TENM3: variants seen among roughly 807,000 people sequenced by gnomAD.
TENM3 encodes the protein teneurin transmembrane protein 3, also known as teneurin-3.
A neutral mutation model predicts 255.1 loss-of-function variants in TENM3; 63 were observed. The observed-to-expected ratio is 0.25, with a 90% CI of 0.20 to 0.30. The LOEUF (loss-of-function observed/expected upper bound fraction) is 0.30. Among genes scored for constraint, TENM3 ranks in the 10% least tolerant of loss-of-function variants. The pLI is 1.00. For missense variants in TENM3, 2,929 were observed against 3,461.1 expected, an observed-to-expected ratio of 0.85 and a Z score of 3.86; for synonymous variants, 1,306 against 1,322.3, an observed-to-expected ratio of 0.99 and a Z score of 0.27.
the TENM3 span, among the ~76,000 whole-genome samples, chr4:181,679,764 T>C: frequency 6.6e-6 from 1 of 152,178 alleles, no homozygotes; most frequent in Non-Finnish European, 1.5e-5. Flanking sequence ...CACTAAATAG[T>C]GCATTTGTTA....
the TENM3 span, among the ~76,000 whole-genome samples, chr4:181,585,366 G>T: frequency 6.6e-6 from 1 of 152,118 alleles, no homozygotes; most frequent in Non-Finnish European, 1.5e-5. Flanking sequence ...GCAGCCTGAA[G>T]CTTTTGACAT....
intron 1 of TENM3, among the ~76,000 whole-genome samples, chr4:182,151,918 T>C (rs1036788431): frequency 6.6e-6 from 1 of 151,974 alleles, no homozygotes; most frequent in Non-Finnish European, 1.5e-5. Flanking sequence ...AAAACTGCAG[T>C]ATACACAGCC....
chr4:182,424,814 G>A (rs565854744), intron 3 of TENM3, among the ~76,000 whole-genome samples: 1 of 152,290 alleles, frequency 6.6e-6, no homozygotes, highest in East Asian at 1.9e-4. Flanking sequence ...AAGGGAGAAA[G>A]AGTAGTAATG....
rs577338798 is a variant in TENM3 at position 182,194,505 on chromosome 4, T to C, written c.-76+49751T>C. Among the ~76,000 whole-genome samples, 13 of 152,330 alleles carry C rather than the reference T, an allele frequency of 8.5e-5. No homozygotes were observed. In the South Asian group the frequency reaches 1.4e-3, roughly 17 times the overall value. ...TTACCTATAGCTTCTTCCACGACGCTTCTTAAGATGAGGATTTCGCCTCAA... is the reference window on the plus strand; with the variant it reads ...TTACCTATAGCTTCTTCCACGACGCCTCTTAAGATGAGGATTTCGCCTCAA... On this transcript the variant is annotated intron_variant, in intron 1 of 2. Transcript: ENST00000512480.
intron 1 of TENM3, among the ~76,000 whole-genome samples, chr4:182,173,291 A>C (rs1406082534): frequency 6.6e-6 from 1 of 152,198 alleles, no homozygotes; most frequent in Non-Finnish European, 1.5e-5. Flanking sequence ...CATGCATCTA[A>C]GATGACAATG....
the TENM3 span, among the ~76,000 whole-genome samples, chr4:181,498,453 G>A: frequency 1.4e-5 from 2 of 147,066 alleles, no homozygotes; most frequent in Non-Finnish European, 1.5e-5. Context: ...CACACTCCCT[G>A]CTCCCAGAAA....
chr4:181,529,640 T>A, the TENM3 span, among the ~76,000 whole-genome samples: 1 of 152,278 alleles, frequency 6.6e-6, no homozygotes, highest in East Asian at 1.9e-4. Context: ...TGAGCTGCAC[T>A]TGGAAATAAA....
chr4:181,561,397 A>T, the TENM3 span, among the ~76,000 whole-genome samples: 3 of 152,198 alleles, frequency 2.0e-5, no homozygotes, highest in Admixed American at 2.0e-4. Context: ...ATGTAGCCTT[A>T]TTTTTGGTGA....
At chr4:181,495,555 ACGAGAGAG>A in the TENM3 span, among the ~76,000 whole-genome samples, 5 of 28,880 alleles carry the variant, frequency 1.7e-4, no homozygotes, top group Admixed American at 2.4e-3. Flanking sequence ...TTTAGTATAC[ACGAGAGAG>A]AGAGAGAGAG....
the TENM3 span, among the ~76,000 whole-genome samples, chr4:181,746,735 C>A: frequency 1.3e-5 from 2 of 151,502 alleles, no homozygotes; most frequent in East Asian, 1.9e-4. Flanking sequence ...TCCCTTGAAC[C>A]ACTTCCCTAC....
chr4:181,934,530 A>ATTG, the TENM3 span, among the ~76,000 whole-genome samples: 75 of 152,248 alleles, frequency 4.9e-4, no homozygotes, highest in African/African-American at 1.8e-3. Flanking sequence ...GTTTTAAATT[A>ATTG]TTGTTATGGA....
At chr4:182,333,790 A>T (rs542732650) in intron 2 of TENM3, among the ~76,000 whole-genome samples, 18 of 152,350 alleles carry the variant, frequency 1.2e-4, no homozygotes, top group Admixed American at 4.6e-4. Context: ...TTTGTTAAAG[A>T]TATGGTTGTA....
chr4:181,672,969 A>G, the TENM3 span, among the ~76,000 whole-genome samples: 4 of 152,160 alleles, frequency 2.6e-5, no homozygotes, highest in South Asian at 2.1e-4. Context: ...GTGTCAGCCT[A>G]TTTTGACCAA....
At position 182,755,212 on chromosome 4, in the gene TENM3, C is replaced by T; in HGVS notation, c.4845C>T (p.Gly1615=). The T allele has an allele frequency of 6.2e-7, 1 of 1,610,430 alleles. No homozygotes were observed. The highest frequency in any genetic ancestry group is 8.5e-7 in the Non-Finnish European group (1 of 1,179,692). ...LVLFTYHGNS[G]LLATKSDETG... ...TGTTTACTTACCATGGCAATAGTGG[C>T]CTTTTAGCCACTAAAAGTGATGAAA... The change falls in exon 22 of 28, where the codon GGC becomes GGT. Residue 1615 remains glycine (G), a synonymous_variant. Coordinates refer to ENST00000511685, the MANE Select transcript of TENM3 (RefSeq NM_001080477.4).
At chr4:182,671,166 A>C (rs1443157391) in intron 6 of TENM3, among the ~76,000 whole-genome samples, 1 of 152,096 alleles carries the variant, frequency 6.6e-6, no homozygotes, top group Non-Finnish European at 1.5e-5. Context: ...CCCTTGATGC[A>C]CCAAACCTCA....
chr4:182,185,661 A>T (rs1413357854), intron 1 of TENM3, among the ~76,000 whole-genome samples: 1 of 152,298 alleles, frequency 6.6e-6, no homozygotes, highest in East Asian at 1.9e-4. Flanking sequence ...AGTAGCACAG[A>T]GCACTGTATG....
intron 12 of TENM3, among the ~76,000 whole-genome samples, chr4:182,699,281 C>G (rs1210897181): frequency 6.6e-6 from 1 of 152,204 alleles, no homozygotes; most frequent in East Asian, 1.9e-4. Context: ...TTTTTCTCAA[C>G]TGGGAGCAAT....
the TENM3 span, among the ~76,000 whole-genome samples, chr4:181,854,181 C>A: frequency 6.6e-6 from 1 of 152,294 alleles, no homozygotes; most frequent in African/African-American, 2.4e-5. Context: ...TCATCAGTCA[C>A]AATTTATTTC....
At chr4:182,719,402 T>C (rs371862490) in intron 13 of TENM3, among the ~76,000 whole-genome samples, 51 of 151,476 alleles carry the variant, frequency 3.4e-4, no homozygotes, top group East Asian at 1.2e-3. Flanking sequence ...GCTGGGACTA[T>C]AGGCGCCCAC....
Sources: gnomAD v4.1 joint callset for allele counts (sites outside exome capture counted in the v4.1 genomes callset) on GRCh38, gnomAD v4.1.1 for gene constraint, MANE v1.5 for transcripts, NCBI Gene and HGNC (gene_info 2026-07-23, HGNC 2026-07-21) for gene names.